The following PDZD2 variants were observed in gnomAD, a reference collection of about 807,000 sequenced individuals.
PDZD2 encodes PDZ domain containing 2, also known as PDZ domain-containing protein 2.
A neutral mutation model predicts 220.7 loss-of-function variants in PDZD2; 90 were observed. The ratio of observed to expected loss-of-function variants is 0.41; its 90% confidence interval spans 0.34 to 0.49. The LOEUF is 0.49. Ranked by LOEUF, PDZD2 falls within the 20% of genes least tolerant of loss-of-function variation. The pLI, the probability that PDZD2 is intolerant of heterozygous loss-of-function variation, is 0.28. For synonymous variants in PDZD2, 1,375 were observed against 1,450.5 expected (o/e 0.95, Z 1.18); for missense variants, 3,174 against 3,608.5 (o/e 0.88, Z 3.08).
intron 2 of PDZD2, among the ~76,000 whole-genome samples, chr5:31,890,336 G>A (rs1740916223): frequency 6.6e-6 from 1 of 152,098 alleles, no homozygotes; most frequent in Non-Finnish European, 1.5e-5. Flanking sequence ...AGCATGTGGT[G>A]AGGGTGTATG....
At chr5:31,989,282 T>G (rs1750987140) in intron 3 of PDZD2, among the ~76,000 whole-genome samples, 1 of 152,168 alleles carries the variant, frequency 6.6e-6, no homozygotes, top group Non-Finnish European at 1.5e-5. Flanking sequence ...AGTGAGAACA[T>G]GGAGTATTTG....
At chr5:31,786,974 C>T (rs1382511166) in intron 1 of PDZD2, among the ~76,000 whole-genome samples, 1 of 152,144 alleles carries the variant, frequency 6.6e-6, no homozygotes, top group African/African-American at 2.4e-5. Context: ...AATATCTATC[C>T]TGTTTTTAAA....
chr5:32,024,494 C>G (rs1210202511), intron 6 of PDZD2, among the ~76,000 whole-genome samples: 1 of 151,932 alleles, frequency 6.6e-6, no homozygotes, highest in Admixed American at 6.6e-5. Context: ...ACCAATATGG[C>G]CAACATGGCG....
chr5:31,897,104 A>G (rs1458783709), intron 2 of PDZD2, among the ~76,000 whole-genome samples: 4 of 151,878 alleles, frequency 2.6e-5, no homozygotes, highest in Non-Finnish European at 5.9e-5. Flanking sequence ...AAATGTGTCT[A>G]TACATCACTC....
intron 6 of PDZD2, among the ~76,000 whole-genome samples, chr5:32,023,477 TG>T: frequency 6.6e-6 from 1 of 152,124 alleles, no homozygotes; most frequent in Middle Eastern, 3.4e-3. Context: ...ATTTAAACAG[TG>T]GTAAGTGATT....
At chr5:31,854,746 C>T (rs978020219) in intron 2 of PDZD2, among the ~76,000 whole-genome samples, 1 of 152,284 alleles carries the variant, frequency 6.6e-6, no homozygotes, top group Middle Eastern at 3.4e-3. Context: ...GCCCCAAACT[C>T]CCTGAAATCC....
intron 1 of PDZD2, among the ~76,000 whole-genome samples, chr5:31,710,356 G>GGTATTAAATAAAGTTTCA (rs1748031372): frequency 6.6e-6 from 1 of 152,190 alleles, no homozygotes; most frequent in Admixed American, 6.5e-5. Flanking sequence ...GCAGGTTTGT[G>GGTATTAAATAAAGTTTCA]GTATTAAATA....
chr5:31,779,191 C>T (rs973283247), intron 1 of PDZD2, among the ~76,000 whole-genome samples: 4 of 152,164 alleles, frequency 2.6e-5, no homozygotes, highest in Admixed American at 2.0e-4. Flanking sequence ...CCCTGCACTG[C>T]GCACACCCTC....
At chr5:31,737,829 G>A (rs1039282871) in intron 1 of PDZD2, among the ~76,000 whole-genome samples, 5 of 152,208 alleles carry the variant, frequency 3.3e-5, no homozygotes, top group African/African-American at 7.2e-5. Context: ...CACTTGTTCC[G>A]GGCTCTTTAT....
rs1284799348 is a variant in PDZD2, at chr5:32,048,577, G to A, written c.1558G>A (p.Glu520Lys). The A allele has an allele frequency of 6.2e-6, 10 of 1,613,866 alleles. No homozygotes were observed. Among genetic ancestry groups the A allele is most frequent in the East Asian group, 4.5e-5 (2 of 44,880 alleles). ...HRLESVEEYNELMVRNGDPRI... is the reference protein window; with the variant it reads ...HRLESVEEYNKLMVRNGDPRI... ...CCTTGAGTCAGTTGAAGAATATAACGAGCTGATGGTGCGGAATGGGGACCC... is the reference window on the plus strand; with the variant it reads ...CCTTGAGTCAGTTGAAGAATATAACAAGCTGATGGTGCGGAATGGGGACCC... Residue 520 changes from glutamate (E) to lysine (K), a missense_variant, in exon 8 of 25, where the codon GAG becomes AAG. Glu to Lys is a moderately conservative substitution (Grantham distance 56). Around this residue, in one of 4 missense-constraint regions of PDZD2, gnomAD observed 632 missense variants for 708.1 expected, o/e 0.89. Coordinates refer to ENST00000438447, the MANE Select transcript of PDZD2 (RefSeq NM_178140.4).
chr5:32,082,296 A>G (rs1447439078), intron 19 of PDZD2, among the ~76,000 whole-genome samples: 1 of 152,180 alleles, frequency 6.6e-6, no homozygotes, highest in Non-Finnish European at 1.5e-5. Flanking sequence ...TGCTGGGATT[A>G]CAGGCATAAG....
At chr5:31,728,391 T>TA (rs1315205600) in intron 1 of PDZD2, among the ~76,000 whole-genome samples, 11 of 152,004 alleles carry the variant, frequency 7.2e-5, no homozygotes, top group Admixed American at 5.9e-4. Context: ...CTTGTTACAT[T>TA]AAAAAAAAGA....
chr5:31,729,547 CAG>C (rs1301153184), intron 1 of PDZD2, among the ~76,000 whole-genome samples: 6 of 152,170 alleles, frequency 3.9e-5, no homozygotes, highest in African/African-American at 1.2e-4. Context: ...TGTTTGAACT[CAG>C]AGTGTTCTAC....
At position 32,024,360 on chromosome 5, in the gene PDZD2, G is replaced by C. The variant is rs146313870; in HGVS notation, c.1408-12871G>C. 6.3e-3 allele frequency among the ~76,000 whole-genome samples: 956 copies of C among 152,292 alleles called. 9 individuals carry two copies. The highest frequency in any genetic ancestry group is 0.022 in the African/African-American group (914 of 41,574). On this transcript the variant is annotated intron_variant, in intron 6 of 24. Transcript: ENST00000438447. Reference sequence around the variant, plus strand: ...CTAAGATGGAAAAGGCATTAGATTTGTGGGTGGAAGACGTGAACAGAAACA... The same window carrying C: ...CTAAGATGGAAAAGGCATTAGATTTCTGGGTGGAAGACGTGAACAGAAACA...
chr5:31,948,868 G>A (rs546105383), intron 2 of PDZD2, among the ~76,000 whole-genome samples: 6 of 152,170 alleles, frequency 3.9e-5, no homozygotes, highest in African/African-American at 1.4e-4. Context: ...GGAGGCCAAG[G>A]AGGGTGGATC....
intron 1 of PDZD2, among the ~76,000 whole-genome samples, chr5:31,666,688 G>A (rs1329273524): frequency 6.6e-6 from 1 of 152,198 alleles, no homozygotes; most frequent in Non-Finnish European, 1.5e-5. Flanking sequence ...CTGAAAGCAT[G>A]GTTTTCTGAG....
At chr5:31,855,214 G>C (rs1223196914) in intron 2 of PDZD2, 3 of 694,488 alleles carry the variant, frequency 4.3e-6, no homozygotes, top group Non-Finnish European at 5.3e-6. Context: ...TTTCTGATCT[G>C]ATCCAGGTCG....
At chr5:31,802,965 G>T (rs1372114379) in intron 2 of PDZD2, among the ~76,000 whole-genome samples, 1 of 150,514 alleles carries the variant, frequency 6.6e-6, no homozygotes, top group African/African-American at 2.4e-5. Flanking sequence ...GGAAATGGCT[G>T]TCACGAAGTC....
intron 19 of PDZD2, among the ~76,000 whole-genome samples, chr5:32,080,157 G>A (rs560782362): frequency 1.6e-4 from 24 of 152,104 alleles, no homozygotes; most frequent in African/African-American, 5.5e-4. Context: ...GACCATCCTG[G>A]CTAACACAGT....
Sources: allele counts gnomAD v4.1 joint callset (sites outside exome capture counted in the v4.1 genomes callset), GRCh38; gene constraint gnomAD v4.1.1; regional missense constraint gnomAD v4.1.1; transcripts MANE v1.5; gene names NCBI Gene and HGNC (gene_info 2026-07-23, HGNC 2026-07-21).